The following TENM4 variants were observed in gnomAD, a reference collection of about 807,000 sequenced individuals.
TENM4 encodes the protein teneurin-4.
TENM4 carries 82 observed loss-of-function variants against 243.3 expected under a neutral mutation model. The ratio of observed to expected loss-of-function variants is 0.34; its 90% confidence interval spans 0.28 to 0.40. The LOEUF is 0.40. TENM4 is among the 10% of genes least tolerant of loss of function. TENM4 has a pLI of 1.00. For synonymous variants in TENM4, 1,412 were observed against 1,456.3 expected (o/e 0.97, Z 0.69); for missense variants, 3,138 against 3,673.3 (o/e 0.85, Z 3.77).
chr11:79,344,397 C>T (rs374643970), intron 1 of TENM4, among the ~76,000 whole-genome samples: 9 of 152,238 alleles, frequency 5.9e-5, no homozygotes, highest in South Asian at 2.1e-4. Context: ...ACTCGCTACT[C>T]GGGCAGAGAG....
intron 25 of TENM4, among the ~76,000 whole-genome samples, chr11:78,713,886 G>T (rs747496281): frequency 2.0e-5 from 3 of 152,118 alleles, no homozygotes; most frequent in Non-Finnish European, 4.4e-5. Context: ...GTGCTTCTGA[G>T]AAGCTAATTT....
chr11:79,159,391 C>T (rs1273459627), intron 3 of TENM4, among the ~76,000 whole-genome samples: 5 of 152,162 alleles, frequency 3.3e-5, no homozygotes, highest in African/African-American at 1.2e-4. Context: ...AATACAGAAA[C>T]TGAAATCTAA....
At chr11:79,218,022 G>A (rs1488745391) in intron 2 of TENM4, among the ~76,000 whole-genome samples, 2 of 152,044 alleles carry the variant, frequency 1.3e-5, no homozygotes, top group African/African-American at 4.8e-5. Flanking sequence ...GGCCAGGGTA[G>A]GAAAATTAAT....
At chr11:79,017,324 C>T (rs1858804015) in intron 6 of TENM4, among the ~76,000 whole-genome samples, 1 of 152,168 alleles carries the variant, frequency 6.6e-6, no homozygotes, top group South Asian at 2.1e-4. Context: ...TCTGCTTTTA[C>T]ATTTCTGCAG....
chr11:79,301,800 C>T (rs968832235), intron 1 of TENM4, among the ~76,000 whole-genome samples: 1 of 152,144 alleles, frequency 6.6e-6, no homozygotes, highest in Non-Finnish European at 1.5e-5. Flanking sequence ...CCCCTTGCTC[C>T]CTCTTCTTCC....
chr11:79,403,809 G>A (rs912122440), intron 1 of TENM4, among the ~76,000 whole-genome samples: 1 of 152,144 alleles, frequency 6.6e-6, no homozygotes, highest in Non-Finnish European at 1.5e-5. Flanking sequence ...AAATCCGGGG[G>A]GTTGAGGGGG....
Position 78,760,816 on chromosome 11 carries a change from C to T in TENM4, c.2540-3795G>A, listed in dbSNP as rs77613041. Among the ~76,000 whole-genome samples the T allele has an allele frequency of 7.3e-3, 1,104 of 152,240 alleles. 13 individuals carry two copies. The highest frequency in any genetic ancestry group is 0.026 in the African/African-American group (1,062 of 41,536). ...CTTCCTTAATTTCCATCTTTTTATC[C>T]GCGTTCTATCCTGATTTGTTTCTTC... On this transcript the variant is annotated intron_variant, in intron 18 of 33. Coordinates refer to ENST00000278550, the MANE Select transcript of TENM4 (RefSeq NM_001098816.3).
At chr11:79,298,761 AGCCG>A (rs1856501760) in intron 1 of TENM4, among the ~76,000 whole-genome samples, 1 of 152,172 alleles carries the variant, frequency 6.6e-6, no homozygotes, top group Non-Finnish European at 1.5e-5. Context: ...AGGCTCGGCG[AGCCG>A]TCTAAGGCCT....
chr11:79,151,125 G>A (rs984960297), intron 3 of TENM4, among the ~76,000 whole-genome samples: 9 of 152,118 alleles, frequency 5.9e-5, no homozygotes, highest in Admixed American at 2.6e-4. Context: ...ATTCTTCCAC[G>A]ATGTCATGGA....
chr11:78,986,732 C>T (rs11237676), intron 6 of TENM4, among the ~76,000 whole-genome samples: 6,047 of 152,252 alleles, frequency 0.04, 190 homozygotes, highest in Non-Finnish European at 0.066. Flanking sequence ...TGCCATGATG[C>T]CTGACTAATT....
chr11:78,855,270 G>GGAATGCCTGAT (rs1279143509), intron 11 of TENM4, among the ~76,000 whole-genome samples: 1 of 152,168 alleles, frequency 6.6e-6, no homozygotes, highest in Non-Finnish European at 1.5e-5. Flanking sequence ...ATTTGGCCTA[G>GGAATGCCTGAT]GAATGCCTGA....
At chr11:78,708,262 G>A (rs956425437) in intron 27 of TENM4, 99 bp downstream of exon 27, 1 of 1,512,942 alleles carries the variant, frequency 6.6e-7, no homozygotes, top group African/African-American at 1.4e-5. Context: ...CTCTTTAAAG[G>A]CTTATCAGTG....
chr11:79,272,468 T>G (rs1193155083), intron 2 of TENM4, among the ~76,000 whole-genome samples: 1 of 152,132 alleles, frequency 6.6e-6, no homozygotes, highest in African/African-American at 2.4e-5. Context: ...CATGGGACAT[T>G]TTATATTCTT....
intron 1 of TENM4, among the ~76,000 whole-genome samples, chr11:79,370,553 C>T (rs1245218612): frequency 1.3e-5 from 2 of 152,004 alleles, no homozygotes; most frequent in African/African-American, 4.8e-5. Context: ...TTATGAGGTC[C>T]TCTGAAGGAG....
At chr11:78,725,811 G>C (rs943892541) in intron 23 of TENM4, among the ~76,000 whole-genome samples, 1 of 152,088 alleles carries the variant, frequency 6.6e-6, no homozygotes, top group African/African-American at 2.4e-5. Context: ...GTGATGTCAG[G>C]GTGCATATGG....
At chr11:78,819,612 C>T (rs374904382) in intron 12 of TENM4, among the ~76,000 whole-genome samples, 12 of 152,230 alleles carry the variant, frequency 7.9e-5, no homozygotes, top group African/African-American at 2.6e-4. Context: ...AGCTTGATGC[C>T]GGACTCCAGC....
intron 3 of TENM4, among the ~76,000 whole-genome samples, chr11:79,184,652 G>A (rs1338592809): frequency 6.6e-6 from 1 of 152,166 alleles, no homozygotes; most frequent in Admixed American, 6.5e-5. Context: ...CCACTTATGT[G>A]AGGTACCTAG....
At chr11:78,827,132 T>C (rs1213064090) in intron 12 of TENM4, among the ~76,000 whole-genome samples, 2 of 152,400 alleles carry the variant, frequency 1.3e-5, no homozygotes, top group East Asian at 3.9e-4. Context: ...AATAATGATT[T>C]GCTATATCTA....
chr11:79,422,118 G>A (rs1858945631), intron 1 of TENM4: 4 of 154,210 alleles, frequency 2.6e-5, no homozygotes, highest in African/African-American at 9.6e-5. Context: ...TCAACCTTCT[G>A]AGGCTCATCT....
Sources: gnomAD v4.1 joint callset for allele counts (sites outside exome capture counted in the v4.1 genomes callset) on GRCh38, gnomAD v4.1.1 for gene constraint, MANE v1.5 for transcripts, NCBI Gene and HGNC (gene_info 2026-07-23, HGNC 2026-07-21) for gene names.